CADPS2: variants seen among roughly 807,000 people sequenced by gnomAD.
CADPS2 encodes calcium-dependent secretion activator 2.
Under a neutral mutation model 172.5 loss-of-function variants are expected in CADPS2, and 93 were observed. The ratio of observed to expected loss-of-function variants is 0.54; its 90% CI spans 0.46 to 0.64. The LOEUF (loss-of-function observed/expected upper bound fraction) is 0.64, where lower values mean the gene tolerates loss of function less well. Ranked by LOEUF, CADPS2 falls within the 30% of genes least tolerant of loss-of-function variation. The probability of loss-of-function intolerance (pLI) is 0.00; values close to 1 mark genes in which losing one functional copy is unlikely to be tolerated. For synonymous variants in CADPS2, 546 were observed against 555.2 expected, an observed-to-expected ratio of 0.98 and a Z score of 0.23; for missense variants, 1,420 against 1,565.9, an observed-to-expected ratio of 0.91 and a Z score of 1.57.
chr7:122,602,859 G>T (rs990760757), intron 6 of CADPS2, among the ~76,000 whole-genome samples: 1 of 152,048 alleles, frequency 6.6e-6, no homozygotes. Context: ...GCTAATCCAC[G>T]TGTCAGTTGC....
intron 2 of CADPS2, among the ~76,000 whole-genome samples, chr7:122,733,200 G>C (rs1470999966): frequency 6.6e-6 from 1 of 151,710 alleles, no homozygotes; most frequent in Non-Finnish European, 1.5e-5. Context: ...ATCATGAAAT[G>C]AAGGACAATC....
chr7:122,856,186 T>C (rs1018163505), intron 1 of CADPS2, among the ~76,000 whole-genome samples: 3 of 152,220 alleles, frequency 2.0e-5, no homozygotes, highest in African/African-American at 7.2e-5. Flanking sequence ...ACTCCCTGTG[T>C]TCTTGTGAAG....
intron 6 of CADPS2, among the ~76,000 whole-genome samples, chr7:122,611,964 G>C (rs1296179938): frequency 6.6e-6 from 1 of 151,958 alleles, no homozygotes; most frequent in Admixed American, 6.6e-5. Context: ...AAATCCACAT[G>C]ATCATCTCAA....
chr7:122,379,733 T>G (rs2042769898), intron 24 of CADPS2, among the ~76,000 whole-genome samples: 1 of 152,092 alleles, frequency 6.6e-6, no homozygotes, highest in African/African-American at 2.4e-5. Context: ...GGATACTTTT[T>G]GTCTTCTCCT....
chr7:122,319,889 C>G lies in CADPS2; in HGVS notation c.*276G>C. ...AAAAAAAAAGTTCATGTTCTGATCACAAGCAGAGCCAAGGTTCATTTTTAG... is the reference window on the plus strand; with the variant it reads ...AAAAAAAAAGTTCATGTTCTGATCAGAAGCAGAGCCAAGGTTCATTTTTAG... On this transcript the variant is annotated 3_prime_UTR_variant, in exon 30 of 30. Transcript: ENST00000449022. 3.2e-6 allele frequency: 1 copy of G among 317,214 alleles called. No individual in the cohort carries two copies. Among genetic ancestry groups the G allele is most frequent in the South Asian group, 1.1e-4 (1 of 8,752 alleles). The allele number at this position is 317,214 out of a possible 1,614,324, so 19.6% of individuals were successfully genotyped here. A position where few individuals can be genotyped will look rare whatever the true frequency, so the allele number is the denominator to read the frequency against.
intron 2 of CADPS2, among the ~76,000 whole-genome samples, chr7:122,687,607 T>C (rs1280097003): frequency 2.6e-5 from 4 of 152,220 alleles, no homozygotes; most frequent in Non-Finnish European, 5.9e-5. Context: ...AAGGATTAAA[T>C]GAGATTCTAC....
chr7:122,545,774 T>A (rs1287551318), intron 8 of CADPS2, among the ~76,000 whole-genome samples: 1 of 152,008 alleles, frequency 6.6e-6, no homozygotes, highest in African/African-American at 2.4e-5. Context: ...AACCTAAAGA[T>A]CAATCGAACT....
intron 25 of CADPS2, among the ~76,000 whole-genome samples, chr7:122,363,031 A>G (rs2151160714): frequency 6.7e-6 from 1 of 150,146 alleles, no homozygotes; most frequent in African/African-American, 2.4e-5. Flanking sequence ...CCTAGGGAAA[A>G]AAAATCCACC....
intron 25 of CADPS2, 31 bp downstream of exon 25, chr7:122,379,337 G>C: frequency 7.3e-7 from 1 of 1,374,650 alleles, no homozygotes; most frequent in South Asian, 1.4e-5. Flanking sequence ...TTTTCACTTT[G>C]ATTTAAAAAG....
At position 122,663,449 on chromosome 7, in the gene CADPS2, C is replaced by A. The variant is rs775892963; in HGVS notation, c.574G>T (p.Asp192Tyr). 9 of 1,613,862 alleles carry A rather than the reference C, an allele frequency of 5.6e-6. No homozygotes were observed. Among genetic ancestry groups the A allele is most frequent in the Non-Finnish European group, 7.6e-6 (9 of 1,179,892 alleles). ...EKRVRSLPEI[D>Y]GLSKETVLSS... is the part of the protein sequence containing the mutation. ...AACACTGTCTCTTTGCTCAAGCCAT[C>A]TATTTCTGGCAAACTCCGCACACGT... Residue 192 changes from aspartate (D) to tyrosine (Y), a missense_variant, in exon 3 of 30, where the codon GAT becomes TAT. Coordinates refer to ENST00000449022, the MANE Select transcript of CADPS2 (RefSeq NM_017954.11).
At chr7:122,686,908 C>T (rs56029822) in intron 2 of CADPS2, among the ~76,000 whole-genome samples, 7,402 of 152,238 alleles carry the variant, frequency 0.049, 605 homozygotes, top group African/African-American at 0.17. Context: ...TGGTCTCAAA[C>T]TCCTGGCCTC....
intron 9 of CADPS2, among the ~76,000 whole-genome samples, chr7:122,504,363 T>A (rs1210853694): frequency 6.6e-6 from 1 of 151,438 alleles, no homozygotes; most frequent in African/African-American, 2.5e-5. Flanking sequence ...TTAGAAGAAT[T>A]GTTTCATGTT....
chr7:122,605,985 C>T (rs1277517832), intron 6 of CADPS2, among the ~76,000 whole-genome samples: 1 of 151,892 alleles, frequency 6.6e-6, no homozygotes, highest in Non-Finnish European at 1.5e-5. Context: ...TTTAAATGTC[C>T]CCAAACCACA....
chr7:122,746,043 T>A (rs1364250786), intron 1 of CADPS2, among the ~76,000 whole-genome samples: 1 of 152,138 alleles, frequency 6.6e-6, no homozygotes, highest in East Asian at 1.9e-4. Context: ...ATCTATATAA[T>A]AAGGCAGTAA....
intron 1 of CADPS2, among the ~76,000 whole-genome samples, chr7:122,791,072 C>T (rs1795192082): frequency 6.6e-6 from 1 of 152,144 alleles, no homozygotes; most frequent in Non-Finnish European, 1.5e-5. Context: ...TGTTCTTAAA[C>T]GTTGTGGGCC....
chr7:122,654,881 A>G (rs917698230), intron 3 of CADPS2, among the ~76,000 whole-genome samples: 10 of 152,230 alleles, frequency 6.6e-5, no homozygotes, highest in Non-Finnish European at 1.5e-4. Flanking sequence ...TGCCATTAAC[A>G]CACTTGTGAT....
Position 122,387,042 on chromosome 7 carries a change from AG to A in CADPS2, c.3295del (p.Leu1099TrpfsTer13). 6.4e-7 allele frequency: 1 copy of A among 1,558,154 alleles called. No homozygotes were observed. The highest frequency in any genetic ancestry group is 8.7e-7 in the Non-Finnish European group (1 of 1,149,458). On this transcript the variant is annotated frameshift_variant, in exon 24 of 30. Coordinates refer to ENST00000449022, the MANE Select transcript of CADPS2 (RefSeq NM_017954.11). LOFTEE classifies it high-confidence loss of function. ...TCTACATACCTCTTGTCCTCCATCC[AG>A]GGCACAGAGTTTGGTGCTTTGCTTT... Reference protein sequence around the residue: ...AKKQSTKLCALDGGQEQQYHS... With the variant: ...AKKQSTKLCAXDGGQEQQYHS...
intron 1 of CADPS2, among the ~76,000 whole-genome samples, chr7:122,802,015 G>A (rs1480738571): frequency 2.0e-5 from 3 of 152,076 alleles, no homozygotes; most frequent in Non-Finnish European, 4.4e-5. Flanking sequence ...GCTACAAGAT[G>A]TCTAAACAGT....
At chr7:122,526,172 T>C (rs1264182972) in intron 8 of CADPS2, among the ~76,000 whole-genome samples, 1 of 138,098 alleles carries the variant, frequency 7.2e-6, no homozygotes, top group Non-Finnish European at 1.5e-5. Context: ...TGATATCCTT[T>C]GATACACTTA....
Sources: allele counts gnomAD v4.1 joint callset (sites outside exome capture counted in the v4.1 genomes callset), GRCh38; gene constraint gnomAD v4.1.1; transcripts MANE v1.5; gene names NCBI Gene and HGNC (gene_info 2026-07-23, HGNC 2026-07-21).